The following EFCAB6 variants were observed in gnomAD, a reference collection of about 807,000 sequenced individuals.
The protein encoded by EFCAB6 is EF-hand calcium-binding domain-containing protein 6.
A neutral mutation model predicts 169.8 loss-of-function variants in EFCAB6; 156 were observed. The observed-to-expected ratio is 0.92, with a 90% CI of 0.81 to 1.05. The LOEUF is 1.05. Ranked by LOEUF, EFCAB6 falls within the 50% of genes least tolerant of loss-of-function variation. The pLI is 0.00. For missense variants in EFCAB6, 1,800 were observed against 1,829.1 expected, an observed-to-expected ratio of 0.98 and a Z score of 0.29; for synonymous variants, 698 against 676.4, an observed-to-expected ratio of 1.03 and a Z score of -0.50.
At chr22:43,540,742 C>G (rs1303712617) in intron 27 of EFCAB6, among the ~76,000 whole-genome samples, 1 of 152,170 alleles carries the variant, frequency 6.6e-6, no homozygotes, top group African/African-American at 2.4e-5. Context: ...CCCAGTCAGA[C>G]TCATTTCTCA....
chr22:43,631,319 C>T (rs1471870529), intron 19 of EFCAB6, among the ~76,000 whole-genome samples: 1 of 151,942 alleles, frequency 6.6e-6, no homozygotes, highest in Non-Finnish European at 1.5e-5. Context: ...ACAAAAAGAG[C>T]TCAGATCATC....
chr22:43,684,067 T>C (rs1469656556), intron 11 of EFCAB6, among the ~76,000 whole-genome samples: 2 of 152,282 alleles, frequency 1.3e-5, no homozygotes, highest in East Asian at 1.9e-4. Context: ...TGAGCCTTGC[T>C]GGACCATCTC....
intron 17 of EFCAB6, among the ~76,000 whole-genome samples, chr22:43,635,989 G>A (rs1327741888): frequency 2.6e-5 from 4 of 152,230 alleles, no homozygotes; most frequent in African/African-American, 9.6e-5. Flanking sequence ...GTGGATAGAG[G>A]CAGATGGAAG....
intron 8 of EFCAB6, among the ~76,000 whole-genome samples, chr22:43,728,721 T>G (rs1197977503): frequency 4.6e-5 from 7 of 152,238 alleles, no homozygotes; most frequent in Non-Finnish European, 5.9e-5. Flanking sequence ...TTTTGAGAAG[T>G]GTCTGTTCAT....
At chr22:43,593,410 C>T (rs1453695161) in intron 23 of EFCAB6, among the ~76,000 whole-genome samples, 1 of 152,160 alleles carries the variant, frequency 6.6e-6, no homozygotes, top group East Asian at 1.9e-4. Context: ...CACGGTTTCT[C>T]TCCTAGAGCC....
chr22:43,547,751 GA>G (rs571517877), intron 27 of EFCAB6, among the ~76,000 whole-genome samples: 5,318 of 123,232 alleles, frequency 0.043, 103 homozygotes, highest in Non-Finnish European at 0.047. Context: ...GGGAAAAAAA[GA>G]AAAAAAAAAA....
At position 43,782,233 on chromosome 22, in the gene EFCAB6, G is replaced by A. The variant is rs374463115; in HGVS notation, c.86C>T (p.Pro29Leu). ...KFTHSRPHSS[P>L]CRVYSRNGSP... Reference sequence around the variant, plus strand: ...ACCATTCCTTGAATATACTCTACACGGTGAAGAATGGGGTCTTGAATGTGT... The same window carrying A: ...ACCATTCCTTGAATATACTCTACACAGTGAAGAATGGGGTCTTGAATGTGT... The change falls in exon 3 of 32, where the codon CCG (proline) becomes CTG (leucine). Residue 29 changes from proline (P) to leucine (L), a missense_variant. By Grantham distance (98) the Pro-to-Leu change is moderately conservative. Transcript: ENST00000262726. 36 of 1,613,840 alleles carry A rather than the reference G, an allele frequency of 2.2e-5. No homozygotes were observed. The highest frequency in any genetic ancestry group is 2.9e-5 in the Non-Finnish European group (34 of 1,179,878).
At chr22:43,689,931 C>T (rs763417096) in intron 10 of EFCAB6, among the ~76,000 whole-genome samples, 14 of 152,116 alleles carry the variant, frequency 9.2e-5, no homozygotes, top group Non-Finnish European at 1.3e-4. Flanking sequence ...GATCTGCTCA[C>T]GTTTTTATCC....
rs534110399 is a variant in EFCAB6 at position 43,623,672 on chromosome 22, T to G, written c.2465+2775A>C. On this transcript the variant is annotated intron_variant, in intron 20 of 31. Transcript: ENST00000262726. ...GCACTTTGGGAGGCCAAGGTGGGCGTATCACGAGGTCAGGAGATCGAGACC... is the reference window on the plus strand; with the variant it reads ...GCACTTTGGGAGGCCAAGGTGGGCGGATCACGAGGTCAGGAGATCGAGACC... Among the ~76,000 whole-genome samples the G allele has an allele frequency of 3.2e-4, 46 of 144,804 alleles. 1 individual carries two copies. The highest frequency in any genetic ancestry group is 3.9e-3 in the Middle Eastern group (1 of 258). The allele number at this position is 144,804 out of a possible 152,430, so 95.0% of individuals were successfully genotyped here.
chr22:43,643,811 C>T (rs1435863226), intron 17 of EFCAB6, among the ~76,000 whole-genome samples: 2 of 151,938 alleles, frequency 1.3e-5, no homozygotes, highest in African/African-American at 4.8e-5. Flanking sequence ...TGGCTTACAA[C>T]AAAATAAGCA....
intron 9 of EFCAB6, among the ~76,000 whole-genome samples, chr22:43,714,169 C>T (rs1262460098): frequency 3.3e-5 from 5 of 151,914 alleles, no homozygotes; most frequent in Non-Finnish European, 7.4e-5. Context: ...GAATAAGAGG[C>T]AAGGATGAGA....
At chr22:43,754,850 G>T (rs559522410) in intron 6 of EFCAB6, among the ~76,000 whole-genome samples, 1 of 152,158 alleles carries the variant, frequency 6.6e-6, no homozygotes, top group Non-Finnish European at 1.5e-5. Flanking sequence ...AATATCAATT[G>T]CACGACAAAA....
At chr22:43,689,395 T>C (rs1261743296) in intron 10 of EFCAB6, among the ~76,000 whole-genome samples, 6 of 139,636 alleles carry the variant, frequency 4.3e-5, no homozygotes, top group Admixed American at 3.5e-4. Context: ...ATCTTCGTCT[T>C]TGCCCAAGAA....
intron 30 of EFCAB6, among the ~76,000 whole-genome samples, chr22:43,531,584 G>A (rs923446847): frequency 1.3e-5 from 2 of 152,150 alleles, no homozygotes; most frequent in East Asian, 1.9e-4. Context: ...AAAGGTGAAC[G>A]GTAGGCAACA....
chr22:43,676,167 C>T (rs566117230), intron 13 of EFCAB6, among the ~76,000 whole-genome samples: 1 of 152,076 alleles, frequency 6.6e-6, no homozygotes, highest in Admixed American at 6.5e-5. Flanking sequence ...CCTGTAATCC[C>T]AGCACCTTGG....
chr22:43,634,641 C>T (rs2147913283), intron 18 of EFCAB6, among the ~76,000 whole-genome samples: 1 of 147,036 alleles, frequency 6.8e-6, no homozygotes, highest in Admixed American at 6.9e-5. Context: ...CAGGACACTG[C>T]ACAAAGATGG....
In EFCAB6 at chr22:43,568,600, G is replaced by A. The variant is rs1256766766; in HGVS notation, c.3420+7697C>T. Reference sequence around the variant, plus strand: ...TGATCCGGGTTCAGGGGAATGAGGCGGGAGTGCTCTGAGGATGCCGGAGTG... The same window carrying A: ...TGATCCGGGTTCAGGGGAATGAGGCAGGAGTGCTCTGAGGATGCCGGAGTG... On this transcript the variant is annotated intron_variant, in intron 26 of 31. Coordinates refer to ENST00000262726, the MANE Select transcript of EFCAB6 (RefSeq NM_022785.4). Among the ~76,000 whole-genome samples the A allele has an allele frequency of 3.3e-5, 5 of 152,106 alleles. 1 individual carries two copies. The highest frequency in any genetic ancestry group is 1.3e-4 in the Admixed American group (2 of 15,286).
rs555043605 is a variant in EFCAB6 at position 43,685,556 on chromosome 22, T to C, written c.1143-1701A>G. On this transcript the variant is annotated intron_variant, in intron 11 of 31. Coordinates refer to ENST00000262726, the MANE Select transcript of EFCAB6 (RefSeq NM_022785.4). ...CAAACACTGAAACTCGCTCAGTATA[T>C]GAAGAGACGTCATTTTTGTTCACTG... 2.6e-5 allele frequency among the ~76,000 whole-genome samples: 4 copies of C among 152,342 alleles called. 1 individual carries two copies. The South Asian group carries it at 6.2e-4, about 24-fold the overall frequency.
At position 43,782,278 on chromosome 22, in the gene EFCAB6, T is replaced by A; in HGVS notation, c.41A>T (p.His14Leu). 1 of 1,614,142 alleles carries A rather than the reference T, an allele frequency of 6.2e-7. No homozygotes were observed. The highest frequency in any genetic ancestry group is 8.5e-7 in the Non-Finnish European group (1 of 1,179,990). The change falls in exon 3 of 32, where the codon CAT (histidine) becomes CTT (leucine). Residue 14 changes from histidine (H) to leucine (L), a missense_variant. His to Leu is a moderately conservative substitution (Grantham distance 99). Transcript: ENST00000262726. ...ATGTGTAAATTTTCGTGTGTGAGGA[T>A]GCGACCTAAGCCAGTCTGGTATAAT... ...MAIIPDWLRSHPHTRKFTHSR... is the reference protein window; with the variant it reads ...MAIIPDWLRSLPHTRKFTHSR...
Sources: allele counts gnomAD v4.1 joint callset (sites outside exome capture counted in the v4.1 genomes callset), GRCh38; gene constraint gnomAD v4.1.1; transcripts MANE v1.5; gene names NCBI Gene and HGNC (gene_info 2026-07-23, HGNC 2026-07-21).